Variants in GPC6 observed in about 807,000 individuals in gnomAD.
GPC6 encodes the protein glypican-6.
A neutral mutation model predicts 55.2 loss-of-function variants in GPC6; 14 were observed. That is an observed-to-expected ratio of 0.25 (90% CI 0.17 to 0.40). The LOEUF (loss-of-function observed/expected upper bound fraction) is 0.40, where lower values mean the gene tolerates loss of function less well. Among genes scored for constraint, GPC6 ranks in the 10% least tolerant of loss-of-function variants. The pLI is 1.00. For missense variants in GPC6, 641 were observed against 708.5 expected, an observed-to-expected ratio of 0.90 and a Z score of 1.08; for synonymous variants, 278 against 259.6, an observed-to-expected ratio of 1.07 and a Z score of -0.68.
rs1044711959 is a variant in GPC6 at position 93,860,744 on chromosome 13, A to C, written c.711+30199A>C. On this transcript the variant is annotated intron_variant, in intron 3 of 8. Transcript: ENST00000377047. ...TACATGAAAAAAGATAAATTAGAATAATGAAGACTCTTGATCCTTAACTAT... is the reference window on the plus strand; with the variant it reads ...TACATGAAAAAAGATAAATTAGAATCATGAAGACTCTTGATCCTTAACTAT... Among the ~76,000 whole-genome samples the C allele has an allele frequency of 3.3e-5, 5 of 151,824 alleles. No homozygotes were observed. In the East Asian group the frequency reaches 9.8e-4, roughly 30 times the overall value.
chr13:93,314,438 A>G (rs1879173638), intron 1 of GPC6, among the ~76,000 whole-genome samples: 1 of 152,118 alleles, frequency 6.6e-6, no homozygotes, highest in Non-Finnish European at 1.5e-5. Context: ...GGAACAGATG[A>G]CCAGGTTGGG....
chr13:94,225,777 C>G (rs1890537202), intron 4 of GPC6, among the ~76,000 whole-genome samples: 1 of 151,750 alleles, frequency 6.6e-6, no homozygotes, highest in African/African-American at 2.4e-5. Context: ...CTTGCAGGAG[C>G]CTAAATCTGT....
intron 2 of GPC6, among the ~76,000 whole-genome samples, chr13:93,689,366 A>G (rs1882167862): frequency 6.6e-6 from 1 of 152,116 alleles, no homozygotes; most frequent in Non-Finnish European, 1.5e-5. Context: ...AAATACAGAT[A>G]TGTAACAAAT....
chr13:93,757,167 G>A (rs1884800291), intron 2 of GPC6, among the ~76,000 whole-genome samples: 1 of 152,072 alleles, frequency 6.6e-6, no homozygotes, highest in Non-Finnish European at 1.5e-5. Context: ...CCTCTGTTTT[G>A]TTCCTAAGTC....
At chr13:94,168,999 T>G (rs1326705005) in intron 4 of GPC6, among the ~76,000 whole-genome samples, 1 of 152,146 alleles carries the variant, frequency 6.6e-6, no homozygotes. Flanking sequence ...TAAGTTCCAC[T>G]TATGACAACA....
chr13:93,901,898 T>TAAA (rs55752330), intron 3 of GPC6, among the ~76,000 whole-genome samples: 24 of 119,270 alleles, frequency 2.0e-4, no homozygotes, highest in African/African-American at 4.8e-4. Flanking sequence ...GAGATTCCAT[T>TAAA]AAAAAAAAAA....
At chr13:93,422,227 A>C (rs1208264146) in intron 1 of GPC6, among the ~76,000 whole-genome samples, 9 of 152,160 alleles carry the variant, frequency 5.9e-5, no homozygotes. Context: ...AAGTCTTCTA[A>C]GCAACACCCT....
At chr13:93,494,404 A>G (rs1226915694) in intron 1 of GPC6, among the ~76,000 whole-genome samples, 1 of 148,926 alleles carries the variant, frequency 6.7e-6, no homozygotes, top group Non-Finnish European at 1.5e-5. Context: ...TTTTATTTTG[A>G]GCCTATGTGT....
chr13:93,796,501 A>C (rs555221348), intron 2 of GPC6, among the ~76,000 whole-genome samples: 12 of 152,304 alleles, frequency 7.9e-5, no homozygotes, highest in Non-Finnish European at 1.5e-4. Context: ...AACACTATTA[A>C]TGAAGTTTTT....
At chr13:94,120,719 G>A (rs1039694138) in intron 4 of GPC6, among the ~76,000 whole-genome samples, 2 of 152,074 alleles carry the variant, frequency 1.3e-5, no homozygotes, top group East Asian at 3.9e-4. Context: ...TATAAATAAA[G>A]CCTGAGGAAA....
chr13:93,360,968 G>C (rs1881022923), intron 1 of GPC6, among the ~76,000 whole-genome samples: 1 of 151,996 alleles, frequency 6.6e-6, no homozygotes, highest in East Asian at 1.9e-4. Flanking sequence ...TGCAGTGTTT[G>C]GTCTGATTCT....
chr13:93,688,985 AT>A (rs1318245095), intron 2 of GPC6, among the ~76,000 whole-genome samples: 1 of 152,072 alleles, frequency 6.6e-6, no homozygotes, highest in Non-Finnish European at 1.5e-5. Flanking sequence ...TTGTTCTCTG[AT>A]TTATAGAGTA....
At chr13:93,791,884 C>T (rs1201658932) in intron 2 of GPC6, among the ~76,000 whole-genome samples, 2 of 152,188 alleles carry the variant, frequency 1.3e-5, no homozygotes. Context: ...CTGTTAGCAT[C>T]GCTGTCTCTT....
At chr13:94,113,253 AAAGCAC>A (rs1886313769) in intron 4 of GPC6, among the ~76,000 whole-genome samples, 3 of 152,134 alleles carry the variant, frequency 2.0e-5, no homozygotes, top group African/African-American at 7.2e-5. Context: ...CTATGAATAA[AAAGCAC>A]AAGTGGGAAT....
intron 3 of GPC6, among the ~76,000 whole-genome samples, chr13:93,960,792 AT>A (rs1879731671): frequency 7.2e-6 from 1 of 138,086 alleles, no homozygotes; most frequent in African/African-American, 2.7e-5. Flanking sequence ...TAACCAGTTT[AT>A]TGCTGGAATT....
chr13:93,345,384 G>A (rs7324202), intron 1 of GPC6, among the ~76,000 whole-genome samples: 3 of 151,824 alleles, frequency 2.0e-5, no homozygotes, highest in Non-Finnish European at 4.4e-5. Flanking sequence ...GATGATATCA[G>A]TATTGCTGTT....
At position 94,382,502 on chromosome 13, in the gene GPC6, C is replaced by A; in HGVS notation, c.1241C>A (p.Ala414Glu). The change falls in exon 7 of 9, where the codon GCG becomes GAG. Residue 414 changes from alanine to glutamate, a missense_variant. Coordinates refer to ENST00000377047, the MANE Select transcript of GPC6 (RefSeq NM_005708.5). ...ATCTGCAAGGACGAGAGCGTGACAG[C>A]GGGCACGTCCAACGAGGAGGAATGC... is the stretch of plus-strand genomic sequence containing the variant. ...YTICKDESVT[A>E]GTSNEEECWN... 1.2e-6 allele frequency: 2 copies of A among 1,614,090 alleles called. No homozygotes were observed. The highest frequency in any genetic ancestry group is 3.3e-5 in the Admixed American group (2 of 60,016).
At chr13:94,262,523 A>C (rs1361378974) in intron 4 of GPC6, among the ~76,000 whole-genome samples, 1 of 152,040 alleles carries the variant, frequency 6.6e-6, no homozygotes, top group Non-Finnish European at 1.5e-5. Context: ...AAATACAAAA[A>C]TTAACTGGGC....
intron 1 of GPC6, among the ~76,000 whole-genome samples, chr13:93,355,941 G>T (rs1880833992): frequency 1.3e-5 from 2 of 152,148 alleles, no homozygotes; most frequent in South Asian, 4.1e-4. Context: ...CTGGGGCAGT[G>T]GATGGAGGCT....
Sources: gnomAD v4.1 joint callset for allele counts (sites outside exome capture counted in the v4.1 genomes callset) on GRCh38, gnomAD v4.1.1 for gene constraint, MANE v1.5 for transcripts, NCBI Gene and HGNC (gene_info 2026-07-23, HGNC 2026-07-21) for gene names.